The following SERPINB4 variants were observed in gnomAD, a reference collection of about 807,000 sequenced individuals.
The protein encoded by SERPINB4 is serpin family B member 4.
SERPINB4 carries 39 observed loss-of-function variants against 33.2 expected under a neutral mutation model. The ratio of observed to expected loss-of-function variants is 1.18; its 90% CI spans 0.91 to 1.53. SERPINB4 has a LOEUF of 1.53. Among genes scored for constraint, SERPINB4 ranks in the 40% most tolerant of loss-of-function variants. SERPINB4 has a pLI of 0.00. For missense variants in SERPINB4, 564 were observed against 455.4 expected, an observed-to-expected ratio of 1.24 and a Z score of -2.17; for synonymous variants, 191 against 166.4, an observed-to-expected ratio of 1.15 and a Z score of -1.14.
chr18:63,641,955 T>G (rs1290128664), intron 3 of SERPINB4, 67 bp from the exon 4 acceptor site: 3 of 1,598,862 alleles, frequency 1.9e-6, no homozygotes, highest in Non-Finnish European at 2.6e-6. Flanking sequence ...CCATGCTAAG[T>G]CTGTTAGATC....
chr18:63,639,286 A>T lies in SERPINB4; in HGVS notation c.667T>A (p.Leu223Met), dbSNP rs755158767. Residue 223 changes from leucine to methionine, a missense_variant, in exon 7 of 8, where the codon TTG (leucine) becomes ATG (methionine). By Grantham distance (15) the Leu-to-Met change is conservative. Coordinates refer to ENST00000341074, the MANE Select transcript of SERPINB4 (RefSeq NM_002974.4). ...ACCTTGGCCTGTACATCCTCCAGCAAGGCAAAATTAAAGGAATTGTATTGC... is the reference window on the plus strand; with the variant it reads ...ACCTTGGCCTGTACATCCTCCAGCATGGCAAAATTAAAGGAATTGTATTGC... ...MRQYNSFNFA[L>M]LEDVQAKVLE... 25 of 1,612,672 alleles carry T rather than the reference A, an allele frequency of 1.6e-5. No individual in the cohort carries two copies. The Admixed American group carries it at 4.0e-4, about 26-fold the overall frequency.
rs374617980 is a variant in SERPINB4, at chr18:63,637,423, G to C, written c.*296C>G. On this transcript the variant is annotated 3_prime_UTR_variant, in exon 8 of 8. Transcript: ENST00000341074. ...GGTTTGGTTCATTTAAAACAGGTCA[G>C]AAACAGAATTATATTTCAAATTTAG... 74 of 264,246 alleles carry C rather than the reference G, an allele frequency of 2.8e-4. No individual in the cohort carries two copies. The highest frequency in any genetic ancestry group is 7.6e-4 in the East Asian group (11 of 14,540). The allele number at this position is 264,246 out of a possible 1,614,324, so 16.4% of individuals were successfully genotyped here. A position where few individuals can be genotyped will look rare whatever the true frequency, so the allele number is the denominator to read the frequency against.
intron 7 of SERPINB4, among the ~76,000 whole-genome samples, 197 bp downstream of exon 7, chr18:63,638,987 CA>C (rs965472285): frequency 3.9e-5 from 6 of 151,984 alleles, no homozygotes; most frequent in African/African-American, 1.4e-4. Flanking sequence ...AACAAACAAA[CA>C]AACAAAAACT....
chr18:63,644,085 C>T (rs2144479507), intron 1 of SERPINB4, 124 bp downstream of exon 1: 1 of 155,358 alleles, frequency 6.4e-6, no homozygotes, highest in Non-Finnish European at 1.4e-5. Flanking sequence ...TTTAATTTTG[C>T]TCTGGCAGAA....
chr18:63,641,731 T>C, intron 4 of SERPINB4, 29 bp downstream of exon 4: 1 of 1,612,880 alleles, frequency 6.2e-7, no homozygotes, highest in Non-Finnish European at 8.5e-7. Context: ...AGGATGCAAA[T>C]GAAATGTGGG....
Position 63,639,341 on chromosome 18 carries a change from C to T in SERPINB4, c.613-1G>A, listed in dbSNP as rs1913047053. The T allele has an allele frequency of 6.3e-7, 1 of 1,598,794 alleles. No individual in the cohort carries two copies. Among genetic ancestry groups the T allele is most frequent in the Non-Finnish European group, 8.5e-7 (1 of 1,170,248 alleles). ...TCATCTGTACAGATTTGTATGTATTCTGCAATAAATCAATGTGTCCAACAA... is the reference window on the plus strand; with the variant it reads ...TCATCTGTACAGATTTGTATGTATTTTGCAATAAATCAATGTGTCCAACAA... On this transcript the variant is annotated splice_acceptor_variant, in intron 6 of 7. Transcript: ENST00000341074. LOFTEE classifies it high-confidence loss of function.
At chr18:63,643,116 C>G in intron 3 of SERPINB4, 45 bp downstream of exon 3, 1 of 1,610,884 alleles carries the variant, frequency 6.2e-7, no homozygotes, top group Non-Finnish European at 8.5e-7. Context: ...TAAACTATGA[C>G]CTGTTCAGGG....
rs752065941 is a variant in SERPINB4 at position 63,639,166 on chromosome 18, T to C, written c.768+19A>G. The C allele has an allele frequency of 3.8e-6, 6 of 1,575,446 alleles. No homozygotes were observed. Among genetic ancestry groups the C allele is most frequent in the South Asian group, 1.2e-5 (1 of 85,720 alleles). On this transcript the variant is annotated intron_variant, in intron 7 of 7. Coordinates refer to ENST00000341074, the MANE Select transcript of SERPINB4 (RefSeq NM_002974.4). ...AATGTCCGGCAGTAGAAGGAAGAGT[T>C]GTAGATGCAAGTTCTTACCTTCTGC...
At chr18:63,640,133 T>A (rs1351786115) in intron 5 of SERPINB4, among the ~76,000 whole-genome samples, 2 of 152,030 alleles carry the variant, frequency 1.3e-5, no homozygotes, top group Non-Finnish European at 2.9e-5. Flanking sequence ...CTCCTCTTCC[T>A]ACTTTTATTT....
At chr18:63,642,973 C>G (rs1334772895) in intron 3 of SERPINB4, 188 bp downstream of exon 3, 1 of 687,102 alleles carries the variant, frequency 1.5e-6, no homozygotes, top group East Asian at 2.8e-5. Flanking sequence ...TGCTGACTGT[C>G]TTTTAGTAAC....
intron 7 of SERPINB4, 33 bp downstream of exon 7, chr18:63,639,152 G>A (rs2144465087): frequency 1.3e-6 from 2 of 1,550,116 alleles, no homozygotes; most frequent in Non-Finnish European, 8.8e-7. Flanking sequence ...ATGTCCGGCA[G>A]TAGAAGGAAG....
intron 4 of SERPINB4, 149 bp from the exon 5 acceptor site, chr18:63,641,140 C>T (rs1241621693): frequency 4.6e-6 from 3 of 656,586 alleles, no homozygotes; most frequent in Non-Finnish European, 7.8e-6. Context: ...ATACAGGTGT[C>T]ATGTAGGCAA....
chr18:63,638,076 C>T lies in SERPINB4; in HGVS notation c.816G>A (p.Leu272=), dbSNP rs369112298. ...CGACACATGTCTCTCTCATATTCTG[C>T]AAACTTGTCCATTCCATCAATTTCT... ...TAEKLMEWTS[L]QNMRETCVDL... is the part of the protein sequence containing the mutation. The change falls in exon 8 of 8, where the codon TTG becomes TTA. Residue 272 remains leucine, a synonymous_variant. Transcript: ENST00000341074. The T allele has an allele frequency of 1.6e-5, 26 of 1,613,278 alleles. No homozygotes were observed. The African/African-American group carries it at 3.2e-4, about 20-fold the overall frequency.
Position 63,637,651 on chromosome 18 carries a change from C to T in SERPINB4, c.*68G>A, listed in dbSNP as rs1363242947. Reference sequence around the variant, plus strand: ...TATGAGCCAAGAGAATCTGTTGTTGCCAGCAATCAGTTTACCAGAACACCT... The same window carrying T: ...TATGAGCCAAGAGAATCTGTTGTTGTCAGCAATCAGTTTACCAGAACACCT... On this transcript the variant is annotated 3_prime_UTR_variant, in exon 8 of 8. Transcript: ENST00000341074. 6.8e-7 allele frequency: 1 copy of T among 1,465,532 alleles called. No individual in the cohort carries two copies. Among genetic ancestry groups the T allele is most frequent in the Non-Finnish European group, 9.2e-7 (1 of 1,090,712 alleles). The allele number at this position is 1,465,532 out of a possible 1,614,324, so 90.8% of individuals were successfully genotyped here. A position where few individuals can be genotyped will look rare whatever the true frequency, so the allele number is the denominator to read the frequency against.
chr18:63,637,828 G>C lies in SERPINB4; in HGVS notation c.1064C>G (p.Ser355Ter). The C allele has an allele frequency of 6.2e-7, 1 of 1,613,556 alleles. No individual in the cohort carries two copies. The highest frequency in any genetic ancestry group is 8.5e-7 in the Non-Finnish European group (1 of 1,179,696). Residue 355 changes from serine (S) to a stop codon, truncating the protein, a stop_gained, in exon 8 of 8, where the codon TCA becomes TGA. Transcript: ENST00000341074. LOFTEE classifies it low-confidence loss of function (END_TRUNC). The part of the protein sequence containing the change: ...AATAVVVVEL[S>*]SPSTNEEFCC... ...GAACTCTTCATTAGTTGAAGGAGATGATAATTCGACTACTACTACAGCGGT... is the reference window on the plus strand; with the variant it reads ...GAACTCTTCATTAGTTGAAGGAGATCATAATTCGACTACTACTACAGCGGT...
chr18:63,643,768 A>G (rs1312568347), intron 1 of SERPINB4, among the ~76,000 whole-genome samples, 165 bp from the exon 2 acceptor site: 1 of 152,132 alleles, frequency 6.6e-6, no homozygotes, highest in Non-Finnish European at 1.5e-5. Flanking sequence ...GCATATATTA[A>G]ATATATTAAT....
chr18:63,640,797 C>A, intron 5 of SERPINB4, 77 bp downstream of exon 5: 9 of 1,228,274 alleles, frequency 7.3e-6, no homozygotes, highest in Admixed American at 1.8e-5. Context: ...CACACCTGTT[C>A]CCCCATGCAG....
chr18:63,640,073 T>A (rs1250702224), intron 5 of SERPINB4, among the ~76,000 whole-genome samples: 2 of 152,108 alleles, frequency 1.3e-5, no homozygotes, highest in African/African-American at 4.8e-5. Flanking sequence ...GGAATACTGA[T>A]AAACTGATTT....
intron 5 of SERPINB4, among the ~76,000 whole-genome samples, chr18:63,640,510 C>T (rs573678554): frequency 7.9e-5 from 12 of 152,132 alleles, no homozygotes; most frequent in South Asian, 4.2e-4. Flanking sequence ...AGACGAGAGA[C>T]GCTTTCTAAT....
Sources: gnomAD v4.1 joint callset for allele counts (sites outside exome capture counted in the v4.1 genomes callset) on GRCh38, gnomAD v4.1.1 for gene constraint, MANE v1.5 for transcripts, NCBI Gene and HGNC (gene_info 2026-07-23, HGNC 2026-07-21) for gene names.